The following LSAMP variants were observed in gnomAD, a reference collection of about 807,000 sequenced individuals.
The protein encoded by LSAMP is limbic system-associated membrane protein.
LSAMP carries 7 observed loss-of-function variants against 38.6 expected under a neutral mutation model. That is an observed-to-expected ratio of 0.18 (90% CI 0.10 to 0.34). LSAMP has a LOEUF of 0.34. Ranked by LOEUF, LSAMP falls within the 10% of genes least tolerant of loss-of-function variation. The pLI is 1.00. For synonymous variants in LSAMP, 154 were observed against 166.8 expected (o/e 0.92, Z 0.59); for missense variants, 313 against 420.0 (o/e 0.75, Z 2.23).
chr3:115,889,246 A>G (rs979090669), intron 3 of LSAMP, among the ~76,000 whole-genome samples: 7 of 151,794 alleles, frequency 4.6e-5, no homozygotes, highest in African/African-American at 1.5e-4. Context: ...CGAAAATACT[A>G]CTCTTTTGAA....
At chr3:116,116,526 C>G (rs1708749502) in intron 1 of LSAMP, among the ~76,000 whole-genome samples, 1 of 136,678 alleles carries the variant, frequency 7.3e-6, no homozygotes, top group East Asian at 2.0e-4. Context: ...GAAACCCCAT[C>G]TCTACTAAAA....
intron 3 of LSAMP, among the ~76,000 whole-genome samples, chr3:115,951,348 G>C (rs1283462005): frequency 6.6e-6 from 1 of 152,112 alleles, no homozygotes; most frequent in African/African-American, 2.4e-5. Flanking sequence ...CCCACAGTAT[G>C]GGAGAAAATA....
intron 3 of LSAMP, among the ~76,000 whole-genome samples, chr3:115,935,070 A>C (rs1937653212): frequency 1.3e-5 from 2 of 152,050 alleles, no homozygotes; most frequent in Non-Finnish European, 2.9e-5. Flanking sequence ...AACAAAAAAA[A>C]CCTCACCAAA....
intron 1 of LSAMP, among the ~76,000 whole-genome samples, chr3:116,274,181 G>A (rs541030240): frequency 3.3e-5 from 5 of 152,020 alleles, no homozygotes; most frequent in Non-Finnish European, 7.4e-5. Flanking sequence ...TTCTATGCTT[G>A]GTTCATGTGC....
chr3:116,207,136 T>C (rs958137796), intron 1 of LSAMP, among the ~76,000 whole-genome samples: 1 of 152,140 alleles, frequency 6.6e-6, no homozygotes, highest in Admixed American at 6.5e-5. Context: ...TCTTGTTGAA[T>C]TGATCCCTTT....
chr3:116,268,403 A>G (rs997255319), intron 1 of LSAMP, among the ~76,000 whole-genome samples: 20 of 143,260 alleles, frequency 1.4e-4, no homozygotes, highest in African/African-American at 6.0e-4. Context: ...TGTAAGGCAC[A>G]ATTTAAATTT....
chr3:115,915,085 T>C (rs1319113506), intron 3 of LSAMP, among the ~76,000 whole-genome samples: 3 of 152,214 alleles, frequency 2.0e-5, no homozygotes, highest in African/African-American at 7.2e-5. Context: ...AAAAGGGATG[T>C]CCTCTTACCC....
At chr3:116,444,336 C>T (rs374924723) in intron 1 of LSAMP, among the ~76,000 whole-genome samples, 25 of 148,620 alleles carry the variant, frequency 1.7e-4, no homozygotes, top group African/African-American at 5.8e-4. Flanking sequence ...AACCCTCACA[C>T]ACAACCTTGA....
intron 1 of LSAMP, among the ~76,000 whole-genome samples, chr3:116,116,732 A>G (rs1383201741): frequency 6.6e-6 from 1 of 150,878 alleles, no homozygotes; most frequent in African/African-American, 2.5e-5. Flanking sequence ...TAATGATAAT[A>G]ATAATAATAA....
chr3:115,907,129 G>A (rs1576206488), intron 3 of LSAMP, among the ~76,000 whole-genome samples: 1 of 152,208 alleles, frequency 6.6e-6, no homozygotes, highest in East Asian at 1.9e-4. Context: ...TCTCCTTCAA[G>A]CCTTGTTGCT....
chr3:116,070,192 C>T (rs1707567683), intron 2 of LSAMP, among the ~76,000 whole-genome samples: 1 of 152,060 alleles, frequency 6.6e-6, no homozygotes. Context: ...GGGAGGGACA[C>T]TGGGAGGCTA....
chr3:115,848,199 A>G (rs559143041), intron 4 of LSAMP, among the ~76,000 whole-genome samples: 1 of 152,322 alleles, frequency 6.6e-6, no homozygotes, highest in African/African-American at 2.4e-5. Context: ...CAAGGCAGGC[A>G]GATCTCTTAA....
chr3:116,287,048 A>ACTT (rs148843789), intron 1 of LSAMP, among the ~76,000 whole-genome samples: 5,531 of 152,254 alleles, frequency 0.036, 131 homozygotes, highest in Middle Eastern at 0.068. Flanking sequence ...TGTAATAGCC[A>ACTT]CTTATGGATA....
chr3:115,999,317 T>C (rs889150598), intron 3 of LSAMP, among the ~76,000 whole-genome samples: 9 of 152,156 alleles, frequency 5.9e-5, no homozygotes, highest in African/African-American at 2.2e-4. Context: ...CTTGTCTTTA[T>C]CATTCTCCTC....
intron 2 of LSAMP, among the ~76,000 whole-genome samples, chr3:116,043,121 AT>A (rs1576328093): frequency 6.6e-6 from 1 of 152,160 alleles, no homozygotes; most frequent in East Asian, 1.9e-4. Flanking sequence ...TTTGGATGGA[AT>A]TTACATTCTT....
intron 1 of LSAMP, among the ~76,000 whole-genome samples, chr3:116,292,265 T>C (rs888566603): frequency 6.6e-6 from 1 of 152,224 alleles, no homozygotes; most frequent in Non-Finnish European, 1.5e-5. Context: ...TCAACTCATC[T>C]TTAATCCTGG....
chr3:115,820,251 A>C (rs1031317963), intron 6 of LSAMP, among the ~76,000 whole-genome samples: 1 of 152,176 alleles, frequency 6.6e-6, no homozygotes, highest in Non-Finnish European at 1.5e-5. Context: ...GGAACCTATG[A>C]TTTTTATGCC....
At chr3:115,872,936 TATAAC>T (rs1936084483) in intron 3 of LSAMP, among the ~76,000 whole-genome samples, 1 of 152,140 alleles carries the variant, frequency 6.6e-6, no homozygotes, top group Non-Finnish European at 1.5e-5. Context: ...ATTAAGGAAG[TATAAC>T]ATATGTATGA....
chr3:116,112,832 G>T (rs1405468258), intron 1 of LSAMP, among the ~76,000 whole-genome samples: 1 of 152,192 alleles, frequency 6.6e-6, no homozygotes, highest in Non-Finnish European at 1.5e-5. Context: ...ACTGTTATCT[G>T]CCATGAATTT....
Sources: gnomAD v4.1 joint callset for allele counts (sites outside exome capture counted in the v4.1 genomes callset) on GRCh38, gnomAD v4.1.1 for gene constraint, MANE v1.5 for transcripts, NCBI Gene and HGNC (gene_info 2026-07-23, HGNC 2026-07-21) for gene names.